Variants in SLC35F4 observed in about 807,000 individuals in gnomAD.
SLC35F4 encodes solute carrier family 35 member F4, also known as chromosome 14 open reading frame 36.
In SLC35F4, 24 loss-of-function variants were observed where a neutral mutation model predicts 44.2. The ratio of observed to expected loss-of-function variants is 0.54; its 90% CI spans 0.39 to 0.76. The LOEUF is 0.76. SLC35F4 is among the 30% of genes least tolerant of loss of function. The pLI, the probability that SLC35F4 is intolerant of heterozygous loss-of-function variation, is 0.00. For missense variants in SLC35F4, 562 were observed against 586.1 expected, an observed-to-expected ratio of 0.96 and a Z score of 0.42; for synonymous variants, 238 against 223.6, an observed-to-expected ratio of 1.06 and a Z score of -0.57.
chr14:57,899,017 G>A (rs1376111088), intron 1 of SLC35F4, among the ~76,000 whole-genome samples: 1 of 152,148 alleles, frequency 6.6e-6, no homozygotes, highest in Admixed American at 6.5e-5. Flanking sequence ...AAATTCCTAA[G>A]TCAGGCACTC....
intron 1 of SLC35F4, among the ~76,000 whole-genome samples, chr14:57,953,137 C>T (rs1347681747): frequency 3.9e-5 from 6 of 152,194 alleles, no homozygotes; most frequent in Non-Finnish European, 7.3e-5. Flanking sequence ...AAATATTCAA[C>T]ATTCTTAAAG....
At chr14:57,718,349 G>C (rs1034076525) in intron 1 of SLC35F4, among the ~76,000 whole-genome samples, 6 of 140,494 alleles carry the variant, frequency 4.3e-5, no homozygotes, top group African/African-American at 1.3e-4. Context: ...CCTTTCTTTT[G>C]AGTATTTACC....
intron 1 of SLC35F4, among the ~76,000 whole-genome samples, chr14:57,694,367 T>C (rs9323316): frequency 0.31 from 46,584 of 152,120 alleles, 7,732 homozygotes; most frequent in Non-Finnish European, 0.37. Context: ...TTGTACATCC[T>C]TTACATAAAC....
intron 1 of SLC35F4, among the ~76,000 whole-genome samples, chr14:57,904,430 T>C (rs1238549301): frequency 4.6e-5 from 7 of 152,238 alleles, no homozygotes; most frequent in South Asian, 4.1e-4. Context: ...AGCAATTACA[T>C]GGACTCCCAT....
At chr14:57,601,644 T>C (rs1310191895) in intron 1 of SLC35F4, among the ~76,000 whole-genome samples, 1 of 152,234 alleles carries the variant, frequency 6.6e-6, no homozygotes, top group Non-Finnish European at 1.5e-5. Flanking sequence ...AATGGTTATA[T>C]TTCTGTTATA....
At chr14:57,609,136 A>G (rs886200347) in intron 1 of SLC35F4, among the ~76,000 whole-genome samples, 1 of 152,230 alleles carries the variant, frequency 6.6e-6, no homozygotes, top group Admixed American at 6.5e-5. Flanking sequence ...AGGGACAGAC[A>G]TGTATGCAGA....
intron 1 of SLC35F4, among the ~76,000 whole-genome samples, chr14:57,694,649 T>C (rs1365538352): frequency 6.6e-6 from 1 of 152,170 alleles, no homozygotes; most frequent in South Asian, 2.1e-4. Flanking sequence ...TCCACACTAC[T>C]GAATTTTCCA....
intron 1 of SLC35F4, among the ~76,000 whole-genome samples, chr14:57,824,871 G>A (rs976775362): frequency 2.6e-5 from 4 of 152,136 alleles, no homozygotes; most frequent in African/African-American, 9.7e-5. Context: ...GGAAGAGAAA[G>A]CTATCGGAGG....
At chr14:57,885,285 G>A (rs1034847988) in intron 1 of SLC35F4, among the ~76,000 whole-genome samples, 1 of 152,178 alleles carries the variant, frequency 6.6e-6, no homozygotes, top group Non-Finnish European at 1.5e-5. Flanking sequence ...TAGTATGTTA[G>A]AGGAATGCAG....
At chr14:57,607,997 T>C (rs1348062284) in intron 1 of SLC35F4, among the ~76,000 whole-genome samples, 2 of 152,146 alleles carry the variant, frequency 1.3e-5, no homozygotes, top group African/African-American at 4.8e-5. Flanking sequence ...AAGGAGGACC[T>C]GGTTTGTGGG....
intron 1 of SLC35F4, among the ~76,000 whole-genome samples, chr14:57,750,869 T>G (rs1312534433): frequency 3.9e-5 from 6 of 152,198 alleles, no homozygotes; most frequent in Non-Finnish European, 8.8e-5. Context: ...TTGTGGTGGT[T>G]AACTTATAGG....
chr14:57,651,808 G>A (rs1045548768), intron 1 of SLC35F4, among the ~76,000 whole-genome samples: 21 of 152,300 alleles, frequency 1.4e-4, no homozygotes, highest in African/African-American at 4.3e-4. Context: ...GCAGAGGGGC[G>A]TGAAATACTG....
chr14:57,856,861 T>C (rs1469356634), intron 1 of SLC35F4, among the ~76,000 whole-genome samples: 1 of 152,126 alleles, frequency 6.6e-6, no homozygotes, highest in Non-Finnish European at 1.5e-5. Context: ...ATAAGAGTTA[T>C]ACAGTATTAA....
At position 57,856,595 on chromosome 14, in the gene SLC35F4, T is replaced by C. The variant is rs184929555; in HGVS notation, c.103+9128A>G. On this transcript the variant is annotated intron_variant, in intron 1 of 7. Transcript: ENST00000556826. ...GTAAAAACTACCACACTATCTACCA[T>C]CAATAACATATACAACGATATTTAG... Among the ~76,000 whole-genome samples, 7 of 152,186 alleles carry C rather than the reference T, an allele frequency of 4.6e-5. No homozygotes were observed. The East Asian group carries it at 1.3e-3, about 29-fold the overall frequency.
chr14:57,624,028 G>A (rs2760287), intron 1 of SLC35F4, among the ~76,000 whole-genome samples: 91,684 of 151,964 alleles, frequency 0.6, 29,904 homozygotes, highest in Non-Finnish European at 0.74. Flanking sequence ...TTTTTGAAAT[G>A]ATCAACAAAA....
chr14:57,946,618 G>A (rs1192694682), intron 1 of SLC35F4, among the ~76,000 whole-genome samples: 1 of 151,786 alleles, frequency 6.6e-6, no homozygotes, highest in Non-Finnish European at 1.5e-5. Context: ...GGGATTACAG[G>A]CATGTGCCAC....
chr14:57,830,968 G>T (rs1406345264), intron 1 of SLC35F4, among the ~76,000 whole-genome samples: 3 of 152,104 alleles, frequency 2.0e-5, no homozygotes, highest in Admixed American at 1.3e-4. Context: ...TGAAGCACTG[G>T]GGGTGCAAAA....
chr14:57,749,085 T>A (rs1228506936), intron 1 of SLC35F4, among the ~76,000 whole-genome samples: 1 of 152,154 alleles, frequency 6.6e-6, no homozygotes, highest in African/African-American at 2.4e-5. Flanking sequence ...TCAAATATAC[T>A]AATAGATATG....
chr14:57,874,970 G>GAATAAATAAATAAATAAATAAATA (rs148708016), intron 1 of SLC35F4, among the ~76,000 whole-genome samples: 1 of 149,724 alleles, frequency 6.7e-6, no homozygotes, highest in African/African-American at 2.5e-5. Flanking sequence ...AGAGGCAGTG[G>GAATAAATAAATAAATAAATAAATA]AATAAATAAA....
Sources: gnomAD v4.1 joint callset for allele counts (sites outside exome capture counted in the v4.1 genomes callset) on GRCh38, gnomAD v4.1.1 for gene constraint, MANE v1.5 for transcripts, NCBI Gene and HGNC (gene_info 2026-07-23, HGNC 2026-07-21) for gene names.